The following TAFA5 variants were observed in gnomAD, a reference collection of about 807,000 sequenced individuals.
TAFA5 encodes the protein chemokine-like protein TAFA-5.
Under a neutral mutation model 15.3 loss-of-function variants are expected in TAFA5, and 6 were observed. That is an observed-to-expected ratio of 0.39 (90% confidence interval 0.21 to 0.77). The LOEUF (loss-of-function observed/expected upper bound fraction) is 0.77. TAFA5 is among the 30% of genes least tolerant of loss of function. TAFA5 has a pLI of 0.41. For synonymous variants in TAFA5, 103 were observed against 80.7 expected (o/e 1.28, Z -1.48); for missense variants, 161 against 193.1 (o/e 0.83, Z 0.98).
intron 2 of TAFA5, among the ~76,000 whole-genome samples, chr22:48,659,853 T>A (rs539399534): frequency 1.4e-3 from 206 of 152,384 alleles, no homozygotes; most frequent in African/African-American, 4.7e-3. Context: ...GTCCCCATGC[T>A]GTCTTTGATG....
intron 1 of TAFA5, among the ~76,000 whole-genome samples, chr22:48,642,223 C>T (rs1452407011): frequency 2.0e-5 from 3 of 152,178 alleles, no homozygotes; most frequent in African/African-American, 2.4e-5. Flanking sequence ...GGGGAGGCCT[C>T]GCCACTGTCC....
At chr22:48,524,214 G>A (rs574948946) in intron 1 of TAFA5, among the ~76,000 whole-genome samples, 4 of 152,208 alleles carry the variant, frequency 2.6e-5, no homozygotes, top group African/African-American at 2.4e-5. Flanking sequence ...CCATCTCCAC[G>A]GGCCTCAGGA....
At chr22:48,529,153 G>A (rs906502163) in intron 1 of TAFA5, among the ~76,000 whole-genome samples, 1 of 137,148 alleles carries the variant, frequency 7.3e-6, no homozygotes, top group Non-Finnish European at 1.6e-5. Flanking sequence ...AAAAATCAAG[G>A]TGGAGGCTGT....
chr22:48,546,529 C>T (rs555791693), intron 1 of TAFA5: 25 of 471,152 alleles, frequency 5.3e-5, no homozygotes, highest in African/African-American at 4.0e-4. Flanking sequence ...GGGCAGCCCG[C>T]GGCTGTGGGA....
chr22:48,519,438 G>T (rs1921529376), intron 1 of TAFA5, among the ~76,000 whole-genome samples: 1 of 152,224 alleles, frequency 6.6e-6, no homozygotes. Context: ...TGGTCTCCAG[G>T]GCGGCCCCTC....
intron 1 of TAFA5, among the ~76,000 whole-genome samples, chr22:48,615,785 G>T (rs113500589): frequency 6.6e-6 from 1 of 152,126 alleles, no homozygotes; most frequent in African/African-American, 2.4e-5. Flanking sequence ...AGGTCATTGC[G>T]GGGGACCATG....
At chr22:48,562,293 A>G (rs1034317454) in intron 1 of TAFA5, among the ~76,000 whole-genome samples, 1 of 151,982 alleles carries the variant, frequency 6.6e-6, no homozygotes, top group Non-Finnish European at 1.5e-5. Context: ...GCCCGCCACT[A>G]TGCCCGGCTA....
rs1311795422 is a variant in TAFA5, at chr22:48,552,260, G to C, written c.112+62556G>C. ...GTGGGCCAGCTGCCTTTGCTTGCTG[G>C]TGTCCTGGTGCCTGGCTGCTGTCAC... On this transcript the variant is annotated intron_variant, in intron 1 of 3. Transcript: ENST00000402357. The surrounding 1 kb of genome is among the most constrained non-coding windows in gnomAD (Gnocchi z 4.1). 6.6e-6 allele frequency among the ~76,000 whole-genome samples: 1 copy of C among 152,194 alleles called. No homozygotes were observed. The highest frequency in any genetic ancestry group is 6.5e-5 in the Admixed American group (1 of 15,286).
chr22:48,652,765 C>T (rs952900575), intron 2 of TAFA5, among the ~76,000 whole-genome samples: 4 of 152,236 alleles, frequency 2.6e-5, no homozygotes, highest in East Asian at 1.9e-4. Flanking sequence ...CCTTCCAGTA[C>T]GCGACGGAGA....
chr22:48,703,183 C>T (rs1001844182), intron 2 of TAFA5, among the ~76,000 whole-genome samples: 12 of 152,036 alleles, frequency 7.9e-5, no homozygotes, highest in African/African-American at 2.4e-4. Context: ...CATGCCTTTG[C>T]GTGTGGTGTG....
intron 3 of TAFA5, among the ~76,000 whole-genome samples, chr22:48,745,775 ATTT>A (rs970856085): frequency 1.3e-5 from 2 of 152,106 alleles, no homozygotes; most frequent in African/African-American, 4.8e-5. Flanking sequence ...CGGCCCAAAG[ATTT>A]CATATAAACC....
chr22:48,668,506 T>C (rs1175881567), intron 2 of TAFA5, among the ~76,000 whole-genome samples: 1 of 21,048 alleles, frequency 4.8e-5, no homozygotes, highest in African/African-American at 7.7e-4. Flanking sequence ...GCGTCTTCAC[T>C]GGGAGCTGTA....
chr22:48,568,777 G>T (rs568608146), intron 1 of TAFA5, among the ~76,000 whole-genome samples: 29 of 152,262 alleles, frequency 1.9e-4, no homozygotes, highest in Non-Finnish European at 3.7e-4. Flanking sequence ...GCCCCATGCT[G>T]CCCCATGAGC....
intron 2 of TAFA5, among the ~76,000 whole-genome samples, chr22:48,665,620 A>G (rs1927584256): frequency 6.6e-6 from 1 of 152,090 alleles, no homozygotes; most frequent in Non-Finnish European, 1.5e-5. Flanking sequence ...CGACAGATCC[A>G]ACATCATTTA....
At chr22:48,580,083 C>T (rs970420840) in intron 1 of TAFA5, among the ~76,000 whole-genome samples, 4 of 152,264 alleles carry the variant, frequency 2.6e-5, no homozygotes, top group East Asian at 3.9e-4. Context: ...ACCCGGGCCT[C>T]GATTCCAGAA....
intron 1 of TAFA5, among the ~76,000 whole-genome samples, chr22:48,571,608 C>CTTTTTTTTTT (rs1601586303): frequency 7.5e-4 from 25 of 33,534 alleles, no homozygotes; most frequent in Non-Finnish European, 1.2e-3. Flanking sequence ...TTTTTTTTTG[C>CTTTTTTTTTT]TTTAAAAAAA....
intron 1 of TAFA5, among the ~76,000 whole-genome samples, chr22:48,531,901 A>G (rs1423747893): frequency 6.6e-6 from 1 of 152,208 alleles, no homozygotes; most frequent in African/African-American, 2.4e-5. Flanking sequence ...TGGACGTCCC[A>G]CAGCCAGGAA....
At chr22:48,641,740 C>T (rs747771307) in intron 1 of TAFA5, among the ~76,000 whole-genome samples, 3 of 152,062 alleles carry the variant, frequency 2.0e-5, no homozygotes, top group East Asian at 3.9e-4. Flanking sequence ...GCCAACCCAG[C>T]GGAAAGTCGG....
intron 1 of TAFA5, among the ~76,000 whole-genome samples, chr22:48,531,237 G>T (rs1921961655): frequency 6.6e-6 from 1 of 152,200 alleles, no homozygotes; most frequent in African/African-American, 2.4e-5. Context: ...GTGGCCGCAG[G>T]AGCTGAGCCC....
Sources: allele counts gnomAD v4.1 joint callset (sites outside exome capture counted in the v4.1 genomes callset), GRCh38; gene constraint gnomAD v4.1.1; non-coding constraint Gnocchi (gnomAD v3.1); transcripts MANE v1.5; gene names NCBI Gene and HGNC (gene_info 2026-07-23, HGNC 2026-07-21).